The following PTPRT variants were observed in gnomAD, a reference collection of about 807,000 sequenced individuals.
The protein encoded by PTPRT is protein tyrosine phosphatase receptor type T, also known as receptor-type tyrosine-protein phosphatase T.
Under a neutral mutation model 176.8 loss-of-function variants are expected in PTPRT, and 56 were observed. The observed-to-expected ratio is 0.32, with a 90% confidence interval of 0.26 to 0.40. The LOEUF (loss-of-function observed/expected upper bound fraction) is 0.40, where lower values mean the gene tolerates loss of function less well. PTPRT is among the 10% of genes least tolerant of loss of function. PTPRT has a pLI of 1.00. For missense variants in PTPRT, 1,540 were observed against 1,908.2 expected (o/e 0.81, Z 3.60); for synonymous variants, 783 against 739.0 (o/e 1.06, Z -0.96).
At chr20:42,989,001 G>C (rs1275460701) in intron 1 of PTPRT, among the ~76,000 whole-genome samples, 1 of 152,200 alleles carries the variant, frequency 6.6e-6, no homozygotes, top group Non-Finnish European at 1.5e-5. Flanking sequence ...TTTATCATAA[G>C]GTCTCAGGAT....
At chr20:42,854,405 C>T (rs2078527749) in intron 2 of PTPRT, among the ~76,000 whole-genome samples, 1 of 152,134 alleles carries the variant, frequency 6.6e-6, no homozygotes. Context: ...GGAGGTACAA[C>T]CAGAGTTTAA....
rs868607592 is a variant in PTPRT, at chr20:43,083,340, A to G, written c.88+106306T>C. 5.9e-3 allele frequency among the ~76,000 whole-genome samples: 636 copies of G among 107,048 alleles called. 5 individuals are homozygous for G. Among genetic ancestry groups the G allele is most frequent in the Middle Eastern group, 0.015 (3 of 196 alleles). 70.2% of individuals were successfully genotyped at this position (107,048 alleles called of 152,430 possible). ...CAAATGTATATATATATATATATAT[A>G]TATATATATATATATATATATATAT... On this transcript the variant is annotated intron_variant, in intron 1 of 30. Transcript: ENST00000373187.
rs16987360 is a variant in PTPRT at position 42,770,592 on chromosome 20, C to T, written c.684+843G>A. Among the ~76,000 whole-genome samples, 535 of 152,184 alleles carry T rather than the reference C, an allele frequency of 3.5e-3. 6 individuals carry two copies. Among genetic ancestry groups the T allele is most frequent in the African/African-American group, 0.012 (497 of 41,534 alleles). On this transcript the variant is annotated intron_variant, in intron 5 of 30. Coordinates refer to ENST00000373187, the MANE Select transcript of PTPRT (RefSeq NM_007050.6). ...ACACTTCCCTGATGGACTTTACTAA[C>T]GGACTTATTTAACCAAAGAATAGAC...
At chr20:42,814,617 A>AT (rs1207742878) in intron 2 of PTPRT, among the ~76,000 whole-genome samples, 1 of 152,220 alleles carries the variant, frequency 6.6e-6, no homozygotes, top group Non-Finnish European at 1.5e-5. Flanking sequence ...AGCACATTCC[A>AT]TTTATTTTAT....
At chr20:42,370,693 G>C (rs6065467) in intron 9 of PTPRT, among the ~76,000 whole-genome samples, 15,423 of 152,228 alleles carry the variant, frequency 0.1, 946 homozygotes, top group Non-Finnish European at 0.14. Flanking sequence ...ACAGTGCCTG[G>C]ACATAATAAG....
chr20:42,395,436 A>C (rs1008679781), intron 9 of PTPRT, among the ~76,000 whole-genome samples: 5 of 152,158 alleles, frequency 3.3e-5, no homozygotes, highest in Non-Finnish European at 7.4e-5. Flanking sequence ...AGCAGTGTCC[A>C]TCCTCTTTGG....
chr20:42,479,323 CA>C (rs912695767), intron 7 of PTPRT, among the ~76,000 whole-genome samples: 5 of 152,128 alleles, frequency 3.3e-5, no homozygotes, highest in Non-Finnish European at 7.3e-5. Flanking sequence ...AGCTTGTATG[CA>C]AAATTAATTT....
chr20:42,363,606 G>A (rs888658549), intron 9 of PTPRT, among the ~76,000 whole-genome samples: 9 of 151,676 alleles, frequency 5.9e-5, no homozygotes, highest in South Asian at 2.1e-4. Flanking sequence ...CACCGTGCCC[G>A]GCCTATTACA....
chr20:42,223,871 C>T (rs758223996), intron 15 of PTPRT, among the ~76,000 whole-genome samples: 4 of 152,100 alleles, frequency 2.6e-5, no homozygotes, highest in Non-Finnish European at 2.9e-5. Flanking sequence ...GCTGTTTTCC[C>T]AAACAGAATA....
At chr20:42,866,870 G>A (rs1184159534) in intron 2 of PTPRT, among the ~76,000 whole-genome samples, 1 of 152,180 alleles carries the variant, frequency 6.6e-6, no homozygotes, top group Non-Finnish European at 1.5e-5. Context: ...TTTCTGAACT[G>A]TAAAATGGGC....
chr20:42,084,649 C>T lies in PTPRT; in HGVS notation c.4136+33G>A, dbSNP rs1181489390. The T allele has an allele frequency of 2.1e-6, 3 of 1,395,984 alleles. No homozygotes were observed. The East Asian group carries it at 7.9e-5, about 37-fold the overall frequency. The allele number at this position is 1,395,984 out of a possible 1,614,324, so 86.5% of individuals were successfully genotyped here. On this transcript the variant is annotated intron_variant, in intron 29 of 30. Transcript: ENST00000373187. ...CAAGGATGCTCTATCACCCACCACC[C>T]TATTGCCCTGGTGACACCTCCCTAG...
intron 2 of PTPRT, among the ~76,000 whole-genome samples, chr20:42,808,223 T>C (rs1218867525): frequency 6.6e-6 from 1 of 152,194 alleles, no homozygotes; most frequent in Admixed American, 6.5e-5. Flanking sequence ...TTCCCTTCCA[T>C]AGCTGCTAGT....
At chr20:43,111,948 G>A (rs755604914) in intron 1 of PTPRT, among the ~76,000 whole-genome samples, 1 of 152,146 alleles carries the variant, frequency 6.6e-6, no homozygotes, top group Non-Finnish European at 1.5e-5. Context: ...TGCCAAGGAG[G>A]GCATCATCTC....
intron 7 of PTPRT, among the ~76,000 whole-genome samples, chr20:42,513,677 A>G (rs1403509989): frequency 6.6e-6 from 1 of 152,076 alleles, no homozygotes; most frequent in Non-Finnish European, 1.5e-5. Context: ...TCAGAAGAAC[A>G]CTCTTCACCA....
chr20:42,809,606 G>A (rs1244677481), intron 2 of PTPRT, among the ~76,000 whole-genome samples: 1 of 152,172 alleles, frequency 6.6e-6, no homozygotes, highest in Non-Finnish European at 1.5e-5. Flanking sequence ...AGGTGGGTCG[G>A]CAGGGCCGTG....
chr20:43,028,254 G>A (rs2146191694), intron 1 of PTPRT, among the ~76,000 whole-genome samples: 1 of 152,240 alleles, frequency 6.6e-6, no homozygotes, highest in South Asian at 2.1e-4. Flanking sequence ...GATACTGCAA[G>A]ACATGGAGAG....
At chr20:42,582,868 C>A (rs181234256) in intron 7 of PTPRT, among the ~76,000 whole-genome samples, 16 of 152,266 alleles carry the variant, frequency 1.1e-4, no homozygotes, top group Non-Finnish European at 1.6e-4. Context: ...CCAAATGGTT[C>A]TCCTACTGAT....
At chr20:42,723,478 G>C (rs531076212) in intron 6 of PTPRT, among the ~76,000 whole-genome samples, 1 of 152,294 alleles carries the variant, frequency 6.6e-6, no homozygotes, top group East Asian at 1.9e-4. Context: ...CCCAGAAGTG[G>C]CTGGTGGGCC....
chr20:42,529,147 C>T (rs1170865027), intron 7 of PTPRT, among the ~76,000 whole-genome samples: 2 of 152,182 alleles, frequency 1.3e-5, no homozygotes, highest in Admixed American at 6.5e-5. Context: ...GATTCAGCTT[C>T]CTCACCTATA....
Sources: gnomAD v4.1 joint callset for allele counts (sites outside exome capture counted in the v4.1 genomes callset) on GRCh38, gnomAD v4.1.1 for gene constraint, MANE v1.5 for transcripts, NCBI Gene and HGNC (gene_info 2026-07-23, HGNC 2026-07-21) for gene names.